USP39: variants seen among roughly 807,000 people sequenced by gnomAD.
USP39 encodes the protein ubiquitin carboxyl-terminal hydrolase 39.
A neutral mutation model predicts 66.4 loss-of-function variants in USP39; 38 were observed. That is an observed-to-expected ratio of 0.57 (90% CI 0.44 to 0.75). The LOEUF (loss-of-function observed/expected upper bound fraction) is 0.75. Ranked by LOEUF, USP39 falls within the 30% of genes least tolerant of loss-of-function variation. The probability of loss-of-function intolerance (pLI) is 0.00; values close to 1 mark genes in which losing one functional copy is unlikely to be tolerated. For missense variants in USP39, 608 were observed against 714.4 expected (o/e 0.85, Z 1.70); for synonymous variants, 303 against 274.6 (o/e 1.10, Z -1.02).
chr2:85,638,042 A>G lies in USP39; in HGVS notation c.1095+606A>G, dbSNP rs529312095. On this transcript the variant is annotated intron_variant, in intron 8 of 12. Coordinates refer to ENST00000323701, the MANE Select transcript of USP39 (RefSeq NM_006590.4). ...GGTCTTAGAGCTTTTCTTTTTTGAG[A>G]TGGAGTTTTGCTCTTGTTGACCAGT... Among the ~76,000 whole-genome samples the G allele has an allele frequency of 2.7e-3, 387 of 145,422 alleles. 1 individual carries two copies. Among genetic ancestry groups the G allele is most frequent in the African/African-American group, 9.6e-3 (374 of 38,866 alleles).
chr2:85,639,180 CTT>C (rs1558869949), intron 8 of USP39, 21 bp from the exon 9 acceptor site: 1 of 1,604,602 alleles, frequency 6.2e-7, no homozygotes, highest in East Asian at 2.2e-5. Context: ...CCTTTCCTCT[CTT>C]TTCTTCTCAT....
upstream of USP39, chr2:85,609,374 T>A: frequency 6.3e-7 from 1 of 1,582,746 alleles, no homozygotes; most frequent in East Asian, 2.2e-5. Context: ...GCTCAGGGTC[T>A]GACAATGATT....
In USP39 at chr2:85,619,249, C is replaced by A. The variant is rs773871254; in HGVS notation, c.298C>A (p.Arg100=). 1 of 1,613,528 alleles carries A rather than the reference C, an allele frequency of 6.2e-7. No individual in the cohort carries two copies. The highest frequency in any genetic ancestry group is 8.5e-7 in the Non-Finnish European group (1 of 1,179,906). The change falls in exon 2 of 13, where the codon CGG becomes AGG. Residue 100 remains arginine, a synonymous_variant. Transcript: ENST00000323701. ...GAATGGCCGAGTGGATTCTGAGGAC[C>A]GGAGGAGCCGCCACTGCCCGTACCT... ...AKNGRVDSED[R]RSRHCPYLDT...
In USP39 at chr2:85,623,631, C is replaced by T. The variant is rs1269310613; in HGVS notation, c.434-15C>T. On this transcript the variant is annotated splice_polypyrimidine_tract_variant and intron_variant, in intron 3 of 12. Transcript: ENST00000323701. ...TATCTGCCCTTCTATTACAGCTTTT[C>T]ACCCTTCCCTACAGGCCGGGGTTTG... is the stretch of plus-strand genomic sequence containing the variant. 1.2e-6 allele frequency: 2 copies of T among 1,609,088 alleles called. No individual in the cohort carries two copies. Among genetic ancestry groups the T allele is most frequent in the African/African-American group, 1.3e-5 (1 of 74,596 alleles).
chr2:85,641,005 GA>G lies in USP39; in HGVS notation c.1316del (p.Lys439SerfsTer12). 1 of 1,612,224 alleles carries G rather than the reference GA, an allele frequency of 6.2e-7. No individual in the cohort carries two copies. Among genetic ancestry groups the G allele is most frequent in the Non-Finnish European group, 8.5e-7 (1 of 1,179,642 alleles). ...EYKTYKENFL[K>X]RFQLTKLPPY... The stretch of plus-strand genomic sequence containing the variant: ...ATAAGACTTACAAGGAGAACTTTCT[GA>G]AGCGCTTCCAGCTTACCAAGTTGCC... On this transcript the variant is annotated frameshift_variant, in exon 10 of 13. Transcript: ENST00000323701. LOFTEE classifies it high-confidence loss of function.
intron 6 of USP39, among the ~76,000 whole-genome samples, chr2:85,633,831 C>CTTTTTTT (rs35970499): frequency 8.9e-5 from 7 of 78,970 alleles, no homozygotes; most frequent in Admixed American, 1.6e-4. Context: ...CGAGTAGTGG[C>CTTTTTTT]TTTTTTTTTT....
chr2:85,646,939 A>G (rs1676691352), intron 11 of USP39, among the ~76,000 whole-genome samples: 1 of 148,106 alleles, frequency 6.8e-6, no homozygotes, highest in African/African-American at 2.5e-5. Flanking sequence ...CCAGGATGGA[A>G]TGCAGTGGCA....
chr2:85,609,469 T>C, upstream of USP39: 1 of 1,614,200 alleles, frequency 6.2e-7, no homozygotes, highest in Admixed American at 1.7e-5. Flanking sequence ...CTCTCCACTG[T>C]CTGCCTCGTA....
intron 8 of USP39, among the ~76,000 whole-genome samples, chr2:85,637,960 G>A (rs1675916602): frequency 6.6e-6 from 1 of 152,076 alleles, no homozygotes; most frequent in Admixed American, 6.6e-5. Flanking sequence ...GCCTCCCAAA[G>A]TGCTGGGATT....
At chr2:85,612,217 G>GTT, upstream of USP39, 6 of 1,232,350 alleles carry the variant, frequency 4.9e-6, no homozygotes, top group Non-Finnish European at 6.7e-6. Flanking sequence ...TTTTGTTTTT[G>GTT]TTTTTTTTTG....
intron 11 of USP39, among the ~76,000 whole-genome samples, chr2:85,646,883 CT>C (rs773751290): frequency 0.082 from 8,929 of 108,462 alleles, 377 homozygotes; most frequent in African/African-American, 0.14. Context: ...TGACCTGTTG[CT>C]TTTTTTTTTT....
At chr2:85,615,801 T>G (rs1673878516), upstream of USP39, among the ~76,000 whole-genome samples, 1 of 152,200 alleles carries the variant, frequency 6.6e-6, no homozygotes, top group Non-Finnish European at 1.5e-5. Flanking sequence ...GGGCTAATTT[T>G]GTATTTTTAG....
chr2:85,618,924 C>G (rs1011014704), intron 1 of USP39, among the ~76,000 whole-genome samples: 5 of 152,118 alleles, frequency 3.3e-5, no homozygotes, highest in Admixed American at 1.3e-4. Context: ...CACCCACCAC[C>G]ATGCCTGGCT....
chr2:85,608,931 C>T (rs547310328), upstream of USP39: 14 of 1,613,760 alleles, frequency 8.7e-6, no homozygotes, highest in Middle Eastern at 1.6e-4. Flanking sequence ...CTGGAGAGAA[C>T]GCCTTCAACA....
intron 1 of USP39, among the ~76,000 whole-genome samples, chr2:85,605,475 T>C (rs1483534429): frequency 6.6e-6 from 1 of 152,218 alleles, no homozygotes; most frequent in Non-Finnish European, 1.5e-5. Flanking sequence ...AGGTCTTCAA[T>C]TCTAGCATTA....
At chr2:85,639,139 G>A in intron 8 of USP39, 64 bp from the exon 9 acceptor site, 1 of 1,480,810 alleles carries the variant, frequency 6.8e-7, no homozygotes, top group African/African-American at 1.4e-5. Context: ...TAAAACATCG[G>A]TTCTGTGTTG....
Position 85,636,122 on chromosome 2 carries a change from A to G in USP39, c.1019A>G (p.Lys340Arg). The change falls in exon 7 of 13, where the codon AAA becomes AGA. Residue 340 changes from lysine to arginine, a missense_variant. Lys to Arg is a conservative substitution (Grantham distance 26). This residue lies in a region of USP39 where 72 missense variants were observed against 60.1 expected (regional missense o/e 1.20). Transcript: ENST00000323701. ...LHSALGGTKK[K>R]KKTIVTDVFQ... ...TCAGCTCTGGGGGGCACAAAGAAGA[A>G]AAAGAAGAGTAAGTCATTTACTTAT... 1 of 1,613,722 alleles carries G rather than the reference A, an allele frequency of 6.2e-7. No individual in the cohort carries two copies.
At chr2:85,636,403 C>G (rs1357556415) in intron 7 of USP39, among the ~76,000 whole-genome samples, 1 of 152,138 alleles carries the variant, frequency 6.6e-6, no homozygotes, top group African/African-American at 2.4e-5. Flanking sequence ...AACTGTTTAT[C>G]TGGGGTAGGC....
chr2:85,627,738 G>A (rs968630165), intron 5 of USP39, among the ~76,000 whole-genome samples: 2 of 152,092 alleles, frequency 1.3e-5, no homozygotes, highest in Non-Finnish European at 2.9e-5. Context: ...GTTCGAGGCT[G>A]TTGGAGAAGT....
Sources: allele counts gnomAD v4.1 joint callset (sites outside exome capture counted in the v4.1 genomes callset), GRCh38; gene constraint gnomAD v4.1.1; regional missense constraint gnomAD v4.1.1; transcripts MANE v1.5; gene names NCBI Gene and HGNC (gene_info 2026-07-23, HGNC 2026-07-21).